KDM7A: variants seen among roughly 807,000 people sequenced by gnomAD.
The protein encoded by KDM7A is lysine-specific demethylase 7A.
Under a neutral mutation model 114.8 loss-of-function variants are expected in KDM7A, and 28 were observed. The observed-to-expected ratio is 0.24, with a 90% CI of 0.18 to 0.33. The LOEUF is 0.33. Among genes scored for constraint, KDM7A ranks in the 10% least tolerant of loss-of-function variants. KDM7A has a pLI of 1.00. For synonymous variants in KDM7A, 423 were observed against 397.8 expected (o/e 1.06, Z -0.75); for missense variants, 942 against 1,142.5 (o/e 0.82, Z 2.53).
intron 1 of KDM7A, among the ~76,000 whole-genome samples, chr7:140,169,125 C>T (rs1260153825): frequency 6.6e-6 from 1 of 152,118 alleles, no homozygotes; most frequent in Non-Finnish European, 1.5e-5. Context: ...AAACAGGGCT[C>T]ACACATATAG....
At chr7:140,095,294 G>C (rs1027105602) in intron 17 of KDM7A, among the ~76,000 whole-genome samples, 20 of 152,188 alleles carry the variant, frequency 1.3e-4, no homozygotes, top group South Asian at 8.3e-4. Flanking sequence ...TCTCTTTCAA[G>C]GGACTAAAGG....
intron 5 of KDM7A, among the ~76,000 whole-genome samples, 175 bp from the exon 6 acceptor site, chr7:140,126,998 C>T (rs935845161): frequency 2.6e-5 from 4 of 152,194 alleles, no homozygotes; most frequent in African/African-American, 7.2e-5. Context: ...CTTGCTCTGT[C>T]GCCTAGGCTA....
At chr7:140,159,858 T>C (rs1345884293) in intron 1 of KDM7A, among the ~76,000 whole-genome samples, 1 of 151,806 alleles carries the variant, frequency 6.6e-6, no homozygotes. Context: ...AAGTTTGTCC[T>C]GCCAGTGGGA....
rs1794629766 is a variant in KDM7A at position 140,170,748 on chromosome 7, G to C, written c.194+5996C>G. ...TCTCTCTTTCCCTTCGAGAATGTAA[G>C]TCACAAGACAGCAAGGACTTTGTTT... On this transcript the variant is annotated intron_variant, in intron 1 of 19. Transcript: ENST00000397560. Among the ~76,000 whole-genome samples the C allele has an allele frequency of 2.0e-5, 3 of 152,324 alleles. No individual in the cohort carries two copies. In the South Asian group the frequency reaches 6.2e-4, roughly 32 times the overall value.
rs531518737 is a variant in KDM7A at position 140,114,508 on chromosome 7, C to T, written c.1247-926G>A. On this transcript the variant is annotated intron_variant, in intron 9 of 19. Transcript: ENST00000397560. ...AGGCTGGAGTGCAGTGGCGTGATCT[C>T]GGCTCGCTACAACCTCCACCTCCCA... 3.0e-4 allele frequency among the ~76,000 whole-genome samples: 46 copies of T among 152,280 alleles called. 1 individual carries two copies. In the East Asian group the frequency reaches 8.9e-3, roughly 29 times the overall value.
At chr7:140,091,250 A>G (rs1264423736) in intron 19 of KDM7A, 62 bp from the exon 20 acceptor site, 4 of 1,119,848 alleles carry the variant, frequency 3.6e-6, no homozygotes, top group Non-Finnish European at 5.5e-6. Flanking sequence ...GAGCACCTGG[A>G]AGACTACGGG....
chr7:140,156,024 G>A (rs1476606029), intron 1 of KDM7A, among the ~76,000 whole-genome samples: 1 of 152,208 alleles, frequency 6.6e-6, no homozygotes, highest in African/African-American at 2.4e-5. Flanking sequence ...TCTGTGAAAT[G>A]TTAACACTTC....
At chr7:140,129,370 A>G (rs1422810416) in intron 4 of KDM7A, 123 bp downstream of exon 4, 1 of 778,692 alleles carries the variant, frequency 1.3e-6, no homozygotes, top group Non-Finnish European at 2.1e-6. Flanking sequence ...GATGATACTG[A>G]GCCTCACTTT....
At position 140,120,544 on chromosome 7, in the gene KDM7A, A is replaced by G. The variant is rs1392066605; in HGVS notation, c.1052-15T>C. 7 of 1,538,122 alleles carry G rather than the reference A, an allele frequency of 4.6e-6. No homozygotes were observed. The African/African-American group carries it at 8.2e-5, about 18-fold the overall frequency. On this transcript the variant is annotated splice_polypyrimidine_tract_variant and intron_variant, in intron 7 of 19. Coordinates refer to ENST00000397560, the MANE Select transcript of KDM7A (RefSeq NM_030647.2). ...ATGGATCCACCCTAAAATGGTTGAA[A>G]ATATATAAACCAGTCATTTTTCAAT...
intron 1 of KDM7A, among the ~76,000 whole-genome samples, chr7:140,141,099 G>A (rs909823256): frequency 1.3e-5 from 2 of 152,076 alleles, no homozygotes; most frequent in African/African-American, 4.8e-5. Flanking sequence ...ACTATGCAAA[G>A]CTTCTTTAGG....
chr7:140,125,154 C>T (rs1275427216), intron 6 of KDM7A, among the ~76,000 whole-genome samples: 1 of 152,198 alleles, frequency 6.6e-6, no homozygotes, highest in East Asian at 1.9e-4. Flanking sequence ...CTAAGATCCA[C>T]AGCATAATTA....
chr7:140,112,797 T>A (rs1818454485), intron 10 of KDM7A, among the ~76,000 whole-genome samples: 1 of 152,226 alleles, frequency 6.6e-6, no homozygotes, highest in Non-Finnish European at 1.5e-5. Flanking sequence ...AACATTTGTT[T>A]TAAGCCCATA....
intron 1 of KDM7A, among the ~76,000 whole-genome samples, chr7:140,168,430 C>T (rs1794602017): frequency 6.6e-6 from 1 of 151,962 alleles, no homozygotes; most frequent in Non-Finnish European, 1.5e-5. Flanking sequence ...TAGCCGGGCA[C>T]AGTGGCACAT....
chr7:140,128,295 ATAAGG>A (rs1400192007), intron 4 of KDM7A, among the ~76,000 whole-genome samples: 1 of 152,200 alleles, frequency 6.6e-6, no homozygotes, highest in East Asian at 1.9e-4. Flanking sequence ...GGACTATGGG[ATAAGG>A]TAGAATTCAA....
At chr7:140,107,411 A>G (rs1379904250) in intron 11 of KDM7A, among the ~76,000 whole-genome samples, 1 of 152,104 alleles carries the variant, frequency 6.6e-6, no homozygotes, top group African/African-American at 2.4e-5. Context: ...GGCTGGTCTC[A>G]GTTGTTCCTT....
chr7:140,095,663 A>G, intron 17 of KDM7A: 1 of 279,764 alleles, frequency 3.6e-6, no homozygotes, highest in Non-Finnish European at 7.3e-6. Context: ...GGATCACTTG[A>G]GCTCAGGAGT....
chr7:140,160,747 A>G (rs1388445319), intron 1 of KDM7A, among the ~76,000 whole-genome samples: 2 of 152,222 alleles, frequency 1.3e-5, no homozygotes. Flanking sequence ...AATCAAGTTC[A>G]GACTGGGGAT....
At chr7:140,164,004 T>C (rs1410371692) in intron 1 of KDM7A, among the ~76,000 whole-genome samples, 1 of 152,204 alleles carries the variant, frequency 6.6e-6, no homozygotes. Flanking sequence ...CATTGATCAA[T>C]GGCAGCCAGC....
At chr7:140,091,280 A>T (rs1818014853) in intron 19 of KDM7A, 92 bp from the exon 20 acceptor site, 7 of 875,520 alleles carry the variant, frequency 8.0e-6, no homozygotes, top group Non-Finnish European at 9.7e-6. Flanking sequence ...CTTTATGGGA[A>T]GTAAGCCCTT....
Sources: allele counts gnomAD v4.1 joint callset (sites outside exome capture counted in the v4.1 genomes callset), GRCh38; gene constraint gnomAD v4.1.1; transcripts MANE v1.5; gene names NCBI Gene and HGNC (gene_info 2026-07-23, HGNC 2026-07-21).